The following ISL1 variants were observed in gnomAD, a reference collection of about 807,000 sequenced individuals.
ISL1 encodes ISL LIM homeobox 1.
A neutral mutation model predicts 35.3 loss-of-function variants in ISL1; 4 were observed. The observed-to-expected ratio is 0.11, with a 90% confidence interval of 0.06 to 0.26. ISL1 has a LOEUF of 0.26. Ranked by LOEUF, ISL1 falls within the 10% of genes least tolerant of loss-of-function variation. The pLI is 1.00. For missense variants in ISL1, 340 were observed against 472.8 expected (o/e 0.72, Z 2.60); for synonymous variants, 186 against 172.3 (o/e 1.08, Z -0.62).
intron 3 of ISL1, among the ~76,000 whole-genome samples, chr5:51,388,097 C>A (rs1747394058): frequency 6.6e-6 from 1 of 152,372 alleles, no homozygotes; most frequent in South Asian, 2.1e-4. Context: ...CAGCTCCCAG[C>A]CAGGTATTCT....
chr5:51,392,474 A>T (rs1046647179), intron 5 of ISL1, among the ~76,000 whole-genome samples: 7 of 152,174 alleles, frequency 4.6e-5, no homozygotes, highest in African/African-American at 1.4e-4. Flanking sequence ...GTCAACAGTT[A>T]GGTAATTGGC....
At chr5:51,383,824 G>C (rs1412158520) in intron 1 of ISL1, 125 bp downstream of exon 1, 1 of 883,876 alleles carries the variant, frequency 1.1e-6, no homozygotes, top group African/African-American at 1.6e-5. Context: ...AAGAGAAAAG[G>C]TGGCTTTTTC....
Position 51,387,380 on chromosome 5 carries a change from G to A in ISL1, c.219-110G>A, listed in dbSNP as rs1350095130. The A allele has an allele frequency of 2.6e-6, 3 of 1,152,868 alleles. No individual in the cohort carries two copies. The highest frequency in any genetic ancestry group is 2.5e-5 in the East Asian group (1 of 39,238). 71.4% of individuals were successfully genotyped at this position (1,152,868 alleles called of 1,614,324 possible). ...TGTTTGGAAATGCTGTTTACTTGGG[G>A]CGTCTTGCCCGGGATCTTGGGCCAG... On this transcript the variant is annotated intron_variant, in intron 2 of 5. Transcript: ENST00000230658. The surrounding 1 kb of genome is among the most constrained non-coding windows in gnomAD (Gnocchi z 4.3).
At position 51,389,540 on chromosome 5, in the gene ISL1, A is replaced by AGCGGGCGGGCGG; in HGVS notation, c.479-99_479-88dup. The AGCGGGCGGGCGG allele has an allele frequency of 1.1e-6, 1 of 933,452 alleles. No individual in the cohort carries two copies. The highest frequency in any genetic ancestry group is 1.4e-6 in the Non-Finnish European group (1 of 722,434). 57.8% of individuals were successfully genotyped at this position (933,452 alleles called of 1,614,324 possible). A position where few individuals can be genotyped will look rare whatever the true frequency, so the allele number is the denominator to read the frequency against. ...AGTATCTCGGGCGGGCGAGCAAGTA[A>AGCGGGCGGGCGG]GCGGGCGGGCGGGCGGGCAAGCGAG... On this transcript the variant is annotated intron_variant, in intron 3 of 5. Transcript: ENST00000230658. The surrounding 1 kb of genome is among the most constrained non-coding windows in gnomAD (Gnocchi z 5.0).
chr5:51,390,636 C>CTTTTTTTTTTTTTTTTTTTTT (rs1216503548), intron 4 of ISL1, among the ~76,000 whole-genome samples: 1 of 74,326 alleles, frequency 1.3e-5, no homozygotes, highest in Non-Finnish European at 2.8e-5. Context: ...TCTTTTCTTT[C>CTTTTTTTTTTTTTTTTTTTTT]TTTTTCTTTT....
In ISL1 at chr5:51,394,700, A is replaced by C. The variant is rs1351469939; in HGVS notation, c.*1090A>C. ...ATTATATCTTCAGGACTATTTCACT[A>C]ATAAACATTTGGCATAGATAAATAA... On this transcript the variant is annotated 3_prime_UTR_variant, in exon 6 of 6. Transcript: ENST00000230658. The C allele has an allele frequency of 6.6e-6, 1 of 152,662 alleles. No individual in the cohort carries two copies. The highest frequency in any genetic ancestry group is 1.5e-5 in the Non-Finnish European group (1 of 68,040). The allele number at this position is 152,662 out of a possible 1,614,324, so 9.5% of individuals were successfully genotyped here. A position where few individuals can be genotyped will look rare whatever the true frequency, so the allele number is the denominator to read the frequency against.
intron 2 of ISL1, 126 bp downstream of exon 2, chr5:51,384,856 G>T: frequency 1.1e-6 from 1 of 870,520 alleles, no homozygotes; most frequent in East Asian, 2.5e-5. Flanking sequence ...ACAAGCCAAA[G>T]TTACCCTGTA....
chr5:51,383,507 C>T lies in ISL1; in HGVS notation c.-165C>T. ...AACTCCGCCGGCTTAAATTGGACTCCTAGATCCGCGAGGGCGCGGCGCAGC... is the reference window on the plus strand; with the variant it reads ...AACTCCGCCGGCTTAAATTGGACTCTTAGATCCGCGAGGGCGCGGCGCAGC... On this transcript the variant is annotated 5_prime_UTR_variant, in exon 1 of 6. Transcript: ENST00000230658. The T allele has an allele frequency of 7.1e-6, 5 of 707,414 alleles. No individual in the cohort carries two copies. Among genetic ancestry groups the T allele is most frequent in the South Asian group, 1.6e-5 (1 of 63,822 alleles). 43.8% of individuals were successfully genotyped at this position (707,414 alleles called of 1,614,324 possible). A position where few individuals can be genotyped will look rare whatever the true frequency, so the allele number is the denominator to read the frequency against.
intron 5 of ISL1, 136 bp from the exon 6 acceptor site, chr5:51,393,358 A>T: frequency 1.4e-6 from 1 of 697,724 alleles, no homozygotes; most frequent in South Asian, 1.6e-5. Flanking sequence ...AAGCCTGTTA[A>T]AATTCAGTTA....
Position 51,393,912 on chromosome 5 carries a change from C to T in ISL1, c.*302C>T, listed in dbSNP as rs1432363215. ...TTTTAAAACGTAGAGGATTTATATTCAAGGATCTCAAAGAAAGCATTTTCA... is the reference window on the plus strand; with the variant it reads ...TTTTAAAACGTAGAGGATTTATATTTAAGGATCTCAAAGAAAGCATTTTCA... On this transcript the variant is annotated 3_prime_UTR_variant, in exon 6 of 6. Coordinates refer to ENST00000230658, the MANE Select transcript of ISL1 (RefSeq NM_002202.3). 2 of 387,658 alleles carry T rather than the reference C, an allele frequency of 5.2e-6. No individual in the cohort carries two copies. The highest frequency in any genetic ancestry group is 9.5e-6 in the Non-Finnish European group (2 of 210,122). 24.0% of individuals were successfully genotyped at this position (387,658 alleles called of 1,614,324 possible).
chr5:51,387,392 G>T lies in ISL1; in HGVS notation c.219-98G>T. 2 of 1,366,072 alleles carry T rather than the reference G, an allele frequency of 1.5e-6. No homozygotes were observed. The highest frequency in any genetic ancestry group is 1.9e-5 in the Admixed American group (1 of 52,646). The allele number at this position is 1,366,072 out of a possible 1,614,324, so 84.6% of individuals were successfully genotyped here. On this transcript the variant is annotated intron_variant, in intron 2 of 5. Transcript: ENST00000230658. This position sits in a 1 kb window ranked among gnomAD's most constrained non-coding sequence, Gnocchi z 4.3. Reference sequence around the variant, plus strand: ...CTGTTTACTTGGGGCGTCTTGCCCGGGATCTTGGGCCAGGGAAGTGCCGGC... The same window carrying T: ...CTGTTTACTTGGGGCGTCTTGCCCGTGATCTTGGGCCAGGGAAGTGCCGGC...
In ISL1 at chr5:51,384,683, A is replaced by G; in HGVS notation, c.171A>G (p.Thr57=). The G allele has an allele frequency of 6.2e-6, 10 of 1,614,164 alleles. No individual in the cohort carries two copies. Among genetic ancestry groups the G allele is most frequent in the South Asian group, 1.1e-5 (1 of 91,088 alleles). ...ECNQYLDESC[T]CFVRDGKTYC... ...ATCAGTATTTGGACGAGAGCTGTAC[A>G]TGCTTTGTTAGGGATGGGAAAACCT... Residue 57 remains threonine (T), a synonymous_variant, in exon 2 of 6, where the codon ACA becomes ACG. Transcript: ENST00000230658.
chr5:51,386,202 T>C (rs149524988), intron 2 of ISL1: 74 of 156,770 alleles, frequency 4.7e-4, no homozygotes, highest in African/African-American at 6.2e-4. Flanking sequence ...GTTTACTAGA[T>C]TGGTGTGTAA....
chr5:51,391,203 C>G lies in ISL1; in HGVS notation c.766-71C>G, dbSNP rs539656798. 2.0e-4 allele frequency: 309 copies of G among 1,512,544 alleles called. 1 individual carries two copies. The Middle Eastern group carries it at 3.8e-3, about 18-fold the overall frequency. 93.7% of individuals were successfully genotyped at this position (1,512,544 alleles called of 1,614,324 possible). ...ATAATACCAGGGTATATTTGCTTAG[C>G]CTGTGCAGACAACGGAGGGAGGGAA... On this transcript the variant is annotated intron_variant, in intron 4 of 5. Coordinates refer to ENST00000230658, the MANE Select transcript of ISL1 (RefSeq NM_002202.3).
At position 51,387,647 on chromosome 5, in the gene ISL1, G is replaced by T. The variant is rs774257436; in HGVS notation, c.376G>T (p.Gly126Cys). The T allele has an allele frequency of 1.9e-6, 3 of 1,614,208 alleles. No individual in the cohort carries two copies. Among genetic ancestry groups the T allele is most frequent in the East Asian group, 4.5e-5 (2 of 44,862 alleles). Residue 126 changes from glycine (G) to cysteine (C), a missense_variant, in exon 3 of 6, where the codon GGT (glycine) becomes TGT (cysteine). This residue lies in a region of ISL1 where 94 missense variants were observed against 102.1 expected (regional missense o/e 0.92). Coordinates refer to ENST00000230658, the MANE Select transcript of ISL1 (RefSeq NM_002202.3). This position sits in a 1 kb window ranked among gnomAD's most constrained non-coding sequence, Gnocchi z 4.3. ...GGACGAATTTGCGCTTCGGGAGGAC[G>T]GTCTCTTCTGCCGAGCAGACCACGA... The part of the protein sequence containing the change: ...PGDEFALRED[G>C]LFCRADHDVV...
At position 51,389,646 on chromosome 5, in the gene ISL1, C is replaced by A. The variant is rs1161368226; in HGVS notation, c.479C>A (p.Ala160Glu). 2 of 1,607,426 alleles carry A rather than the reference C, an allele frequency of 1.2e-6. No homozygotes were observed. The highest frequency in any genetic ancestry group is 2.2e-5 in the East Asian group (1 of 44,786). ...LHPARPLQMA[A>E]EPISARQPAL... ...GCTCACGGCGCTCCTTGCCCCGCAG[C>A]GGAGCCCATCTCCGCCAGGCAGCCA... Residue 160 changes from alanine to glutamate, a missense_variant and splice_region_variant, in exon 4 of 6, where the codon GCG becomes GAG. Physicochemically the swap from Ala to Glu is moderately radical, Grantham distance 107. Coordinates refer to ENST00000230658, the MANE Select transcript of ISL1 (RefSeq NM_002202.3). This position sits in a 1 kb window ranked among gnomAD's most constrained non-coding sequence, Gnocchi z 5.0.
rs1554037673 is a variant in ISL1, at chr5:51,389,320, TTG to T, written c.479-325_479-324del. 6.6e-6 allele frequency among the ~76,000 whole-genome samples: 1 copy of T among 152,070 alleles called. No homozygotes were observed. The highest frequency in any genetic ancestry group is 1.5e-5 in the Non-Finnish European group (1 of 68,018). ...CCTGCTGTGAACAGGGGGACAGACT[TTG>T]AGACCTGCTTCCCTTGGCTAACACT... On this transcript the variant is annotated intron_variant, in intron 3 of 5. Coordinates refer to ENST00000230658, the MANE Select transcript of ISL1 (RefSeq NM_002202.3). This position sits in a 1 kb window ranked among gnomAD's most constrained non-coding sequence, Gnocchi z 5.0.
Position 51,387,428 on chromosome 5 carries a change from C to T in ISL1, c.219-62C>T. The T allele has an allele frequency of 1.3e-6, 2 of 1,580,926 alleles. No individual in the cohort carries two copies. The highest frequency in any genetic ancestry group is 1.1e-5 in the South Asian group (1 of 88,160). On this transcript the variant is annotated intron_variant, in intron 2 of 5. Coordinates refer to ENST00000230658, the MANE Select transcript of ISL1 (RefSeq NM_002202.3). This position sits in a 1 kb window ranked among gnomAD's most constrained non-coding sequence, Gnocchi z 4.3. Reference sequence around the variant, plus strand: ...CAGGGAAGTGCCGGCCTGAAGTGACCCCCTCTTCCTGTACTTCTCTCCCCG... The same window carrying T: ...CAGGGAAGTGCCGGCCTGAAGTGACTCCCTCTTCCTGTACTTCTCTCCCCG...
chr5:51,393,097 AAGAG>A (rs1747555400), intron 5 of ISL1, among the ~76,000 whole-genome samples: 1 of 152,196 alleles, frequency 6.6e-6, no homozygotes, highest in Non-Finnish European at 1.5e-5. Flanking sequence ...CCAACTGAAG[AAGAG>A]AGTCTTTGAT....
Sources: allele counts gnomAD v4.1 joint callset (sites outside exome capture counted in the v4.1 genomes callset), GRCh38; gene constraint gnomAD v4.1.1; regional missense constraint gnomAD v4.1.1; non-coding constraint Gnocchi (gnomAD v3.1); transcripts MANE v1.5; gene names NCBI Gene and HGNC (gene_info 2026-07-23, HGNC 2026-07-21).